Variants in USP30 observed in about 807,000 individuals in gnomAD.
USP30 encodes ubiquitin carboxyl-terminal hydrolase 30.
USP30 carries 41 observed loss-of-function variants against 68.2 expected under a neutral mutation model. The observed-to-expected ratio is 0.60, with a 90% CI of 0.47 to 0.78. The LOEUF (loss-of-function observed/expected upper bound fraction) is 0.78, where lower values mean the gene tolerates loss of function less well. Ranked by LOEUF, USP30 falls within the 30% of genes least tolerant of loss-of-function variation. The pLI, the probability that USP30 is intolerant of heterozygous loss-of-function variation, is 0.00. For missense variants in USP30, 522 were observed against 649.4 expected, an observed-to-expected ratio of 0.80 and a Z score of 2.13; for synonymous variants, 229 against 253.7, an observed-to-expected ratio of 0.90 and a Z score of 0.93.
At chr12:109,033,759 C>A (rs1310955219) in intron 3 of USP30, among the ~76,000 whole-genome samples, 1 of 152,164 alleles carries the variant, frequency 6.6e-6, no homozygotes, top group African/African-American at 2.4e-5. Flanking sequence ...TACCTCTTGA[C>A]TTTGCCACAG....
intron 1 of USP30, among the ~76,000 whole-genome samples, chr12:109,055,021 C>T (rs1309553668): frequency 6.6e-6 from 1 of 152,072 alleles, no homozygotes; most frequent in Non-Finnish European, 1.5e-5. Flanking sequence ...GTATTACACA[C>T]ACACACACAC....
At chr12:109,047,276 C>T (rs1172275793) in intron 3 of USP30, among the ~76,000 whole-genome samples, 1 of 152,064 alleles carries the variant, frequency 6.6e-6, no homozygotes, top group Non-Finnish European at 1.5e-5. Flanking sequence ...TTGAGGTCAA[C>T]CCACAAACTT....
chr12:109,049,569 C>T (rs2040639886), upstream of USP30, among the ~76,000 whole-genome samples: 1 of 152,136 alleles, frequency 6.6e-6, no homozygotes. Context: ...AATCCCAGCA[C>T]TTTGGGAGGC....
At chr12:109,038,063 G>C (rs1028054040) in intron 3 of USP30, among the ~76,000 whole-genome samples, 1 of 151,806 alleles carries the variant, frequency 6.6e-6, no homozygotes, top group African/African-American at 2.4e-5. Context: ...ATGCAGGTTT[G>C]TTACATAGGT....
intron 3 of USP30, among the ~76,000 whole-genome samples, chr12:109,042,198 G>T (rs2040569836): frequency 6.7e-6 from 1 of 149,702 alleles, no homozygotes; most frequent in African/African-American, 2.5e-5. Flanking sequence ...AACTTCTGAT[G>T]AGCTTTTTTT....
chr12:109,076,374 A>G (rs1376210848), intron 7 of USP30, among the ~76,000 whole-genome samples: 1 of 149,484 alleles, frequency 6.7e-6, no homozygotes, highest in African/African-American at 2.5e-5. Flanking sequence ...GAATAGAAAT[A>G]GTTTTAGTTC....
intron 3 of USP30, among the ~76,000 whole-genome samples, chr12:109,065,748 C>T (rs1341264443): frequency 2.6e-5 from 4 of 152,216 alleles, no homozygotes; most frequent in South Asian, 2.1e-4. Context: ...GTCTGGTTAA[C>T]GTGTAACATC....
At chr12:109,071,958 A>AT (rs751496988) in intron 5 of USP30, among the ~76,000 whole-genome samples, 3 of 152,086 alleles carry the variant, frequency 2.0e-5, no homozygotes, top group Non-Finnish European at 4.4e-5. Context: ...AGAATGTGTT[A>AT]TTTTTTCCTG....
At position 109,064,901 on chromosome 12, in the gene USP30, G is replaced by A. The variant is rs533651993; in HGVS notation, c.377-2623G>A. On this transcript the variant is annotated intron_variant, in intron 3 of 12. Transcript: ENST00000257548. ...GGGGGAGCTAACAGAAGGGCTGCCC[G>A]AGGGGTATGGGAGAAAGATGTGGTT... Among the ~76,000 whole-genome samples, 38 of 152,270 alleles carry A rather than the reference G, an allele frequency of 2.5e-4. No individual in the cohort carries two copies. In the South Asian group the frequency reaches 3.3e-3, roughly 13 times the overall value.
intron 3 of USP30, among the ~76,000 whole-genome samples, chr12:109,065,979 CAG>C (rs1468338559): frequency 6.6e-6 from 1 of 152,128 alleles, no homozygotes; most frequent in Non-Finnish European, 1.5e-5. Flanking sequence ...TGGCCAGGCA[CAG>C]GGGCTCACAC....
intron 3 of USP30, among the ~76,000 whole-genome samples, chr12:109,061,889 A>G (rs955520641): frequency 3.9e-5 from 6 of 152,090 alleles, no homozygotes; most frequent in Non-Finnish European, 8.8e-5. Flanking sequence ...ATTTGAATAC[A>G]TTTCTATGCA....
chr12:109,056,743 A>G lies in USP30; in HGVS notation c.145A>G (p.Ile49Val). The stretch of plus-strand genomic sequence containing the variant: ...AATTGCTGCTGCTCTTGCAGCAGGA[A>G]TATATGTTATTTGGGGTCCCATTAC... ...GGIAAALAAG[I>V]YVIWGPITER... The change falls in exon 2 of 13, where the codon ATA becomes GTA. Residue 49 changes from isoleucine (I) to valine (V), a missense_variant. Transcript: ENST00000257548. 12 of 1,613,300 alleles carry G rather than the reference A, an allele frequency of 7.4e-6. No homozygotes were observed. The African/African-American group carries it at 1.1e-4, about 14-fold the overall frequency.
At chr12:109,040,945 C>T (rs556820584) in intron 3 of USP30, among the ~76,000 whole-genome samples, 138 of 152,314 alleles carry the variant, frequency 9.1e-4, no homozygotes, top group African/African-American at 3.0e-3. Flanking sequence ...CAGCTTTTCT[C>T]CCATATTGCC....
At chr12:109,029,525 G>A (rs182697139) in intron 3 of USP30, among the ~76,000 whole-genome samples, 45 of 152,292 alleles carry the variant, frequency 3.0e-4, no homozygotes, top group Non-Finnish European at 3.5e-4. Flanking sequence ...TAAAGGGAAA[G>A]GAATGTACTT....
At chr12:109,076,567 G>A (rs1159554061) in intron 7 of USP30, among the ~76,000 whole-genome samples, 1 of 151,914 alleles carries the variant, frequency 6.6e-6, no homozygotes, top group East Asian at 1.9e-4. Flanking sequence ...TTAGGTTTTA[G>A]TATACCTCTT....
intron 3 of USP30, among the ~76,000 whole-genome samples, chr12:109,030,130 A>G (rs2040470644): frequency 6.6e-6 from 1 of 152,214 alleles, no homozygotes; most frequent in African/African-American, 2.4e-5. Flanking sequence ...TCCCACACCT[A>G]CAAAAATCCT....
chr12:109,040,472 T>C (rs575197917), intron 3 of USP30, among the ~76,000 whole-genome samples: 13 of 152,332 alleles, frequency 8.5e-5, no homozygotes, highest in African/African-American at 3.1e-4. Flanking sequence ...AAACTTAGCA[T>C]CTTTAAAAAA....
At chr12:109,030,747 C>G (rs991903525) in intron 3 of USP30, among the ~76,000 whole-genome samples, 1 of 152,192 alleles carries the variant, frequency 6.6e-6, no homozygotes, top group Non-Finnish European at 1.5e-5. Context: ...CCCCGACTAA[C>G]TGGGATTACA....
chr12:109,084,261 T>C (rs1173619859), intron 11 of USP30, among the ~76,000 whole-genome samples: 1 of 152,210 alleles, frequency 6.6e-6, no homozygotes. Context: ...AGGAAACTAC[T>C]TGGTACATAA....
Sources: gnomAD v4.1 joint callset for allele counts (sites outside exome capture counted in the v4.1 genomes callset) on GRCh38, gnomAD v4.1.1 for gene constraint, MANE v1.5 for transcripts, NCBI Gene and HGNC (gene_info 2026-07-23, HGNC 2026-07-21) for gene names.